PCDHGA1: variants seen among roughly 807,000 people sequenced by gnomAD.
PCDHGA1 encodes the protein protocadherin gamma-A1.
Under a neutral mutation model 58.0 loss-of-function variants are expected in PCDHGA1, and 32 were observed. The observed-to-expected ratio is 0.55, with a 90% CI of 0.42 to 0.74. The LOEUF (loss-of-function observed/expected upper bound fraction) is 0.74, where lower values mean the gene tolerates loss of function less well. Ranked by LOEUF, PCDHGA1 falls within the 30% of genes least tolerant of loss-of-function variation. The probability of loss-of-function intolerance (pLI) is 0.00; values close to 1 mark genes in which losing one functional copy is unlikely to be tolerated. For missense variants in PCDHGA1, 1,205 were observed against 1,182.3 expected (o/e 1.02, Z -0.28); for synonymous variants, 498 against 501.1 (o/e 0.99, Z 0.08).
At chr5:141,438,985 A>G (rs1461265086) in intron 1 of PCDHGA1, among the ~76,000 whole-genome samples, 1 of 151,940 alleles carries the variant, frequency 6.6e-6, no homozygotes, top group Non-Finnish European at 1.5e-5. Context: ...ACTTATCTTA[A>G]AAGGCTAAGG....
chr5:141,411,544 AC>A (rs2095497010), intron 1 of PCDHGA1: 1 of 152,298 alleles, frequency 6.6e-6, no homozygotes. Context: ...TGATCTTGCC[AC>A]TGCACTCCAG....
chr5:141,372,277 C>T (rs753032334), intron 1 of PCDHGA1: 2 of 1,613,112 alleles, frequency 1.2e-6, no homozygotes, highest in Non-Finnish European at 1.7e-6. Context: ...GAGGTGCGCA[C>T]GGCGCGTACC....
In PCDHGA1 at chr5:141,352,774, G is replaced by C. The variant is rs1208246035; in HGVS notation, c.2421+19669G>C. On this transcript the variant is annotated intron_variant, in intron 1 of 3. Transcript: ENST00000517417. ...CCAGGCTGAGGCAGGTGGATCACTT[G>C]AGGTCAGGAGTTTGAGACCAGCATA... The C allele has an allele frequency of 2.5e-6, 3 of 1,188,930 alleles. No individual in the cohort carries two copies. The African/African-American group carries it at 4.6e-5, about 18-fold the overall frequency. 73.6% of individuals were successfully genotyped at this position (1,188,930 alleles called of 1,614,324 possible). A position where few individuals can be genotyped will look rare whatever the true frequency, so the allele number is the denominator to read the frequency against.
chr5:141,399,038 A>G (rs1228007346), intron 1 of PCDHGA1: 2 of 1,613,854 alleles, frequency 1.2e-6, no homozygotes, highest in South Asian at 2.2e-5. Context: ...AAGAAACTGG[A>G]TTTTGAAGAG....
At position 141,486,114 on chromosome 5, in the gene PCDHGA1, A is replaced by G; in HGVS notation, c.2422-8693A>G. On this transcript the variant is annotated intron_variant, in intron 1 of 3. Coordinates refer to ENST00000517417, the MANE Select transcript of PCDHGA1 (RefSeq NM_018912.3). This position sits in a 1 kb window ranked among gnomAD's most constrained non-coding sequence, Gnocchi z 5.0. ...GGGCCCCTAGACTTTGAGAGTGAGAATTACTATGAATTTGATGTGCGGGCT... is the reference window on the plus strand; with the variant it reads ...GGGCCCCTAGACTTTGAGAGTGAGAGTTACTATGAATTTGATGTGCGGGCT... 3 of 1,614,082 alleles carry G rather than the reference A, an allele frequency of 1.9e-6. No individual in the cohort carries two copies. Among genetic ancestry groups the G allele is most frequent in the South Asian group, 2.2e-5 (2 of 91,072 alleles).
chr5:141,451,095 T>G (rs1158753327), intron 1 of PCDHGA1, among the ~76,000 whole-genome samples: 2 of 152,180 alleles, frequency 1.3e-5, no homozygotes, highest in African/African-American at 4.8e-5. Context: ...CCCAAAGTGT[T>G]GGGATTACAG....
intron 1 of PCDHGA1, chr5:141,403,938 G>C (rs1181403397): frequency 1.2e-6 from 2 of 1,613,848 alleles, no homozygotes; most frequent in Non-Finnish European, 1.7e-6. Flanking sequence ...GGATTGAAAG[G>C]GTGGACAAAA....
At chr5:141,383,051 A>T in intron 1 of PCDHGA1, 2 of 1,613,872 alleles carry the variant, frequency 1.2e-6, no homozygotes, top group Non-Finnish European at 1.7e-6. Context: ...ATCGCCAAGG[A>T]CCTGGGGCTG....
intron 1 of PCDHGA1, chr5:141,370,475 GGCTCTCTCCGAACCGATCC>G: frequency 6.2e-7 from 1 of 1,613,676 alleles, no homozygotes; most frequent in Non-Finnish European, 8.5e-7. Flanking sequence ...TGTTAGACCA[GGCTCTCTCCGAACCGATCC>G]GCTACGCTAT....
At chr5:141,430,808 G>A in intron 1 of PCDHGA1, 1 of 1,526,682 alleles carries the variant, frequency 6.6e-7, no homozygotes, top group East Asian at 2.3e-5. Flanking sequence ...TGTCCTGCTG[G>A]GAATCCTCCT....
intron 2 of PCDHGA1, among the ~76,000 whole-genome samples, chr5:141,498,825 C>A (rs2099786017): frequency 6.6e-6 from 1 of 151,974 alleles, no homozygotes; most frequent in Admixed American, 6.6e-5. Flanking sequence ...CCCAGCTACT[C>A]AGGAGGCTGA....
intron 1 of PCDHGA1, chr5:141,430,941 A>G: frequency 6.2e-7 from 1 of 1,608,258 alleles, no homozygotes; most frequent in Non-Finnish European, 8.5e-7. Context: ...GAGCTCGCGG[A>G]GCGCGGAGTC....
rs1264878386 is a variant in PCDHGA1 at position 141,366,663 on chromosome 5, C to T, written c.2421+33558C>T. ...TTTCCCCAGCCCAACTACGCAGACA[C>T]GCTCCTTAGTGAAGAGAGCTGTGAG... On this transcript the variant is annotated intron_variant, in intron 1 of 3. Coordinates refer to ENST00000517417, the MANE Select transcript of PCDHGA1 (RefSeq NM_018912.3). The T allele has an allele frequency of 1.9e-6, 3 of 1,614,242 alleles. No individual in the cohort carries two copies. Among genetic ancestry groups the T allele is most frequent in the Non-Finnish European group, 2.5e-6 (3 of 1,180,042 alleles).
intron 1 of PCDHGA1, chr5:141,361,920 C>G: frequency 1.2e-6 from 2 of 1,608,060 alleles, no homozygotes; most frequent in Middle Eastern, 4.2e-4. Flanking sequence ...TGGCGGTGGA[C>G]GCAGACTCAG....
At chr5:141,374,140 C>G in intron 1 of PCDHGA1, 1 of 1,609,666 alleles carries the variant, frequency 6.2e-7, no homozygotes, top group Non-Finnish European at 8.5e-7. Flanking sequence ...TCCTCACGCT[C>G]CTGGGGACGC....
chr5:141,445,545 A>G (rs1422837499), intron 1 of PCDHGA1, among the ~76,000 whole-genome samples: 2 of 152,256 alleles, frequency 1.3e-5, no homozygotes, highest in Non-Finnish European at 2.9e-5. Context: ...AAGGAGAAAT[A>G]CAAAAGCACT....
At chr5:141,347,618 C>T (rs551729279) in intron 1 of PCDHGA1, among the ~76,000 whole-genome samples, 3 of 151,998 alleles carry the variant, frequency 2.0e-5, no homozygotes, top group Non-Finnish European at 2.9e-5. Context: ...GAAAGCCTGT[C>T]TCTACTAAAA....
chr5:141,359,965 C>T, intron 1 of PCDHGA1: 1 of 621,570 alleles, frequency 1.6e-6, no homozygotes, highest in South Asian at 5.1e-5. Flanking sequence ...CGAAGAGAAG[C>T]GTTTGGGAGC....
chr5:141,482,923 AT>A (rs1193255251), intron 1 of PCDHGA1, among the ~76,000 whole-genome samples: 10 of 152,074 alleles, frequency 6.6e-5, no homozygotes, highest in Non-Finnish European at 1.5e-4. Context: ...AATACAAAAA[AT>A]TAGCCAGGTG....
Sources: allele counts gnomAD v4.1 joint callset (sites outside exome capture counted in the v4.1 genomes callset), GRCh38; gene constraint gnomAD v4.1.1; non-coding constraint Gnocchi (gnomAD v3.1); transcripts MANE v1.5; gene names NCBI Gene and HGNC (gene_info 2026-07-23, HGNC 2026-07-21).